The following DIMT1 variants were observed in gnomAD, a reference collection of about 807,000 sequenced individuals.
The protein encoded by DIMT1 is DIM1 rRNA methyltransferase and ribosome maturation factor, also known as dimethyladenosine transferase.
In DIMT1, 36 loss-of-function variants were observed where a neutral mutation model predicts 43.2. The observed-to-expected ratio is 0.83, with a 90% CI of 0.64 to 1.10. The LOEUF (loss-of-function observed/expected upper bound fraction) is 1.10. Among genes scored for constraint, DIMT1 ranks in the 50% least tolerant of loss-of-function variants. DIMT1 has a pLI of 0.00. For synonymous variants in DIMT1, 126 were observed against 130.3 expected, an observed-to-expected ratio of 0.97 and a Z score of 0.22; for missense variants, 341 against 385.3, an observed-to-expected ratio of 0.88 and a Z score of 0.96.
At chr5:62,390,108 G>C (rs536357545) in intron 11 of DIMT1, among the ~76,000 whole-genome samples, 1 of 152,138 alleles carries the variant, frequency 6.6e-6, no homozygotes, top group South Asian at 2.1e-4. Context: ...ATGACTTTTA[G>C]AACAATCTAC....
In DIMT1 at chr5:62,393,916, T is replaced by C. The variant is rs16890722; in HGVS notation, c.663+39A>G. The C allele has an allele frequency of 3.0e-3, 4,732 of 1,571,630 alleles. 126 individuals carry two copies. The African/African-American group carries it at 0.059, about 20-fold the overall frequency. ...GGCACACATCTTCCCGCCTGGACTT[T>C]TTTTTCCTTTATTGAATGAGCTAGT... On this transcript the variant is annotated intron_variant, in intron 8 of 11. Transcript: ENST00000199320.
intron 2 of DIMT1, 109 bp from the exon 3 acceptor site, chr5:62,402,231 T>C (rs965752895): frequency 2.9e-6 from 3 of 1,037,280 alleles, no homozygotes; most frequent in Non-Finnish European, 4.3e-6. Context: ...GCTCTTAATC[T>C]GACTCCATTT....
At chr5:62,394,190 G>C (rs1457304307) in intron 7 of DIMT1, 143 bp from the exon 8 acceptor site, 1 of 906,938 alleles carries the variant, frequency 1.1e-6, no homozygotes, top group Non-Finnish European at 1.7e-6. Context: ...TCACTGGCTG[G>C]GTGCTTTGGC....
chr5:62,394,438 G>C, intron 7 of DIMT1, 46 bp downstream of exon 7: 1 of 1,599,922 alleles, frequency 6.3e-7, no homozygotes, highest in East Asian at 2.2e-5. Flanking sequence ...GTGACAGAGT[G>C]AGATTCTATC....
At chr5:62,392,117 G>T in intron 10 of DIMT1, 54 bp downstream of exon 10, 3 of 1,604,040 alleles carry the variant, frequency 1.9e-6, no homozygotes, top group Non-Finnish European at 2.6e-6. Context: ...AATAAAAATG[G>T]ACATTTTAAA....
chr5:62,391,589 CAT>C, intron 10 of DIMT1: 5 of 554,182 alleles, frequency 9.0e-6, no homozygotes, highest in Non-Finnish European at 1.2e-5. Context: ...GGTTCTGAGT[CAT>C]AAAAAATAAA....
chr5:62,400,713 T>C lies in DIMT1; in HGVS notation c.240+1323A>G, dbSNP rs1040203809. Among the ~76,000 whole-genome samples, 3 of 151,460 alleles carry C rather than the reference T, an allele frequency of 2.0e-5. No individual in the cohort carries two copies. In the South Asian group the frequency reaches 6.3e-4, roughly 32 times the overall value. Reference sequence around the variant, plus strand: ...TTCTATATAGACCCTGTTTACATGGTAAACAATGTGTTTCTTACTCTGTTT... The same window carrying C: ...TTCTATATAGACCCTGTTTACATGGCAAACAATGTGTTTCTTACTCTGTTT... On this transcript the variant is annotated intron_variant, in intron 3 of 11. Transcript: ENST00000199320.
In DIMT1 at chr5:62,388,941, C is replaced by A; in HGVS notation, c.*69G>T. 4.1e-6 allele frequency: 6 copies of A among 1,448,368 alleles called. No homozygotes were observed. Among genetic ancestry groups the A allele is most frequent in the Non-Finnish European group, 5.8e-6 (6 of 1,042,768 alleles). 89.7% of individuals were successfully genotyped at this position (1,448,368 alleles called of 1,614,324 possible). A position where few individuals can be genotyped will look rare whatever the true frequency, so the allele number is the denominator to read the frequency against. On this transcript the variant is annotated 3_prime_UTR_variant, in exon 12 of 12. Transcript: ENST00000199320. ...TGTCTCAGTAAAGCAAAAGCATTATCTTCTCAAATACAAAAAATACAAAAT... is the reference window on the plus strand; with the variant it reads ...TGTCTCAGTAAAGCAAAAGCATTATATTCTCAAATACAAAAAATACAAAAT...
intron 6 of DIMT1, 67 bp from the exon 7 acceptor site, chr5:62,394,674 A>T: frequency 6.3e-7 from 1 of 1,599,622 alleles, no homozygotes. Context: ...TTTAACTGCA[A>T]TGAATTTTCT....
intron 6 of DIMT1, among the ~76,000 whole-genome samples, chr5:62,395,735 GCACA>G (rs1382427864): frequency 1.1e-4 from 17 of 152,114 alleles, no homozygotes; most frequent in Non-Finnish European, 2.1e-4. Flanking sequence ...TGGTGTGGCG[GCACA>G]CACCTATAAT....
chr5:62,401,495 C>CAAA (rs563279122), intron 3 of DIMT1, among the ~76,000 whole-genome samples: 5 of 60,518 alleles, frequency 8.3e-5, no homozygotes, highest in African/African-American at 2.5e-4. Context: ...ATTCCCTCTC[C>CAAA]AAAAAAAAAA....
rs1404137189 is a variant in DIMT1 at position 62,398,530 on chromosome 5, G to C, written c.427C>G (p.Leu143Val). 5 of 1,612,604 alleles carry C rather than the reference G, an allele frequency of 3.1e-6. No individual in the cohort carries two copies. The African/African-American group carries it at 5.3e-5, about 17-fold the overall frequency. ...ACAAACCTGAAAAAAGGTCGATGTA[G>C]CAACAGCTTGAAGACAAAAGGTGAA... ...ISSPFVFKLL[L>V]HRPFFRCAIL... The change falls in exon 6 of 12, where the codon CTA becomes GTA. Residue 143 changes from leucine to valine, a missense_variant. Physicochemically the swap from Leu to Val is conservative, Grantham distance 32. Coordinates refer to ENST00000199320, the MANE Select transcript of DIMT1 (RefSeq NM_014473.4).
rs1379850655 is a variant in DIMT1 at position 62,387,259 on chromosome 5, T to C, written c.*1751A>G. On this transcript the variant is annotated 3_prime_UTR_variant, in exon 12 of 12. Transcript: ENST00000199320. ...GTTTTCTTGCAGCTGTAAGATATATTCTATTTGTGTTTATTTCAAAGGGAA... is the reference window on the plus strand; with the variant it reads ...GTTTTCTTGCAGCTGTAAGATATATCCTATTTGTGTTTATTTCAAAGGGAA... The C allele has an allele frequency of 1.3e-5, 2 of 152,218 alleles. No individual in the cohort carries two copies. Among genetic ancestry groups the C allele is most frequent in the Non-Finnish European group, 2.9e-5 (2 of 68,036 alleles). 9.4% of individuals were successfully genotyped at this position (152,218 alleles called of 1,614,324 possible).
chr5:62,402,629 G>C (rs1186173263), intron 2 of DIMT1, among the ~76,000 whole-genome samples: 1 of 152,128 alleles, frequency 6.6e-6, no homozygotes, highest in Non-Finnish European at 1.5e-5. Context: ...GAGCTAAAAA[G>C]GTTAAAATAG....
At position 62,398,561 on chromosome 5, in the gene DIMT1, CT is replaced by C; in HGVS notation, c.397-2del. 6.2e-7 allele frequency: 1 copy of C among 1,612,754 alleles called. No individual in the cohort carries two copies. Among genetic ancestry groups the C allele is most frequent in the Non-Finnish European group, 8.5e-7 (1 of 1,178,832 alleles). On this transcript the variant is annotated splice_acceptor_variant, in intron 5 of 11. Coordinates refer to ENST00000199320, the MANE Select transcript of DIMT1 (RefSeq NM_014473.4). LOFTEE classifies it high-confidence loss of function. ...GCTTGAAGACAAAAGGTGAAGAGAT[CT>C]GTAAGAGAATTAACTAGTTATTTCC...
At chr5:62,392,035 A>G in intron 10 of DIMT1, 136 bp downstream of exon 10, 1 of 1,559,920 alleles carries the variant, frequency 6.4e-7, no homozygotes, top group Non-Finnish European at 8.7e-7. Context: ...AAATTGTGCT[A>G]GTTATACATT....
rs1742805015 is a variant in DIMT1, at chr5:62,403,815, AC to A, written c.-44del. ...CCACAGGCCCGGGACGTCAAGGAGG[AC>A]CAAAGAGGGCTAGCGTGAGAAAGCC... On this transcript the variant is annotated 5_prime_UTR_variant, in exon 1 of 12. Coordinates refer to ENST00000199320, the MANE Select transcript of DIMT1 (RefSeq NM_014473.4). 6.3e-7 allele frequency: 1 copy of A among 1,592,042 alleles called. No homozygotes were observed. Among genetic ancestry groups the A allele is most frequent in the Admixed American group, 1.7e-5 (1 of 57,662 alleles).
chr5:62,394,080 C>T, intron 7 of DIMT1, 33 bp from the exon 8 acceptor site: 1 of 1,598,408 alleles, frequency 6.3e-7, no homozygotes, highest in Non-Finnish European at 8.5e-7. Flanking sequence ...GTAGTACTCA[C>T]AAAGGCAACT....
At chr5:62,400,859 G>C (rs1221892948) in intron 3 of DIMT1, among the ~76,000 whole-genome samples, 1 of 151,594 alleles carries the variant, frequency 6.6e-6, no homozygotes, top group Non-Finnish European at 1.5e-5. Context: ...CCCAGGCTCA[G>C]GTAAACCTCC....
Sources: gnomAD v4.1 joint callset for allele counts (sites outside exome capture counted in the v4.1 genomes callset) on GRCh38, gnomAD v4.1.1 for gene constraint, MANE v1.5 for transcripts, NCBI Gene and HGNC (gene_info 2026-07-23, HGNC 2026-07-21) for gene names.